HACD1: variants seen among roughly 807,000 people sequenced by gnomAD.
HACD1 encodes very-long-chain (3R)-3-hydroxyacyl-CoA dehydratase 1.
HACD1 carries 41 observed loss-of-function variants against 32.0 expected under a neutral mutation model. The ratio of observed to expected loss-of-function variants is 1.28; its 90% CI spans 1.00 to 1.66. The LOEUF (loss-of-function observed/expected upper bound fraction) is 1.66. HACD1 is among the 40% of genes most tolerant of loss of function. The pLI is 0.00. For synonymous variants in HACD1, 142 were observed against 139.0 expected, an observed-to-expected ratio of 1.02 and a Z score of -0.15; for missense variants, 396 against 380.1, an observed-to-expected ratio of 1.04 and a Z score of -0.35.
chr10:17,604,060 AGT>A lies in HACD1; in HGVS notation c.258-15_258-14del. On this transcript the variant is annotated splice_polypyrimidine_tract_variant and intron_variant, in intron 1 of 6. Transcript: ENST00000361271. ...TAGAACCAACCACCTAAAAAAAAAA[AGT>A]ATTTCATAAAGTTCTTTCGAACTTA... The A allele has an allele frequency of 6.8e-7, 1 of 1,466,920 alleles. No homozygotes were observed. Among genetic ancestry groups the A allele is most frequent in the Non-Finnish European group, 9.3e-7 (1 of 1,074,774 alleles). The allele number at this position is 1,466,920 out of a possible 1,614,324, so 90.9% of individuals were successfully genotyped here.
At chr10:17,594,702 C>G (rs1035514856) in intron 5 of HACD1, among the ~76,000 whole-genome samples, 1 of 152,036 alleles carries the variant, frequency 6.6e-6, no homozygotes, top group Non-Finnish European at 1.5e-5. Context: ...AGATGGAGTT[C>G]GCTCTTGTCA....
intron 4 of HACD1, among the ~76,000 whole-genome samples, chr10:17,599,894 T>A (rs1254797282): frequency 6.6e-6 from 1 of 152,200 alleles, no homozygotes; most frequent in Non-Finnish European, 1.5e-5. Flanking sequence ...GAATGCAAGT[T>A]GTCTTTTAAA....
chr10:17,604,187 G>C, intron 1 of HACD1, 140 bp from the exon 2 acceptor site: 1 of 635,142 alleles, frequency 1.6e-6, no homozygotes, highest in African/African-American at 1.8e-5. Context: ...ATGGATACTT[G>C]AAATGTGGTC....
chr10:17,594,291 A>G lies in HACD1; in HGVS notation c.698T>C (p.Met233Thr). 1.9e-6 allele frequency: 3 copies of G among 1,604,608 alleles called. No individual in the cohort carries two copies. Among genetic ancestry groups the G allele is most frequent in the Non-Finnish European group, 2.6e-6 (3 of 1,174,890 alleles). The change falls in exon 6 of 7, where the codon ATG becomes ACG. Residue 233 changes from methionine (M) to threonine (T), a missense_variant. Coordinates refer to ENST00000361271, the MANE Select transcript of HACD1 (RefSeq NM_014241.4). The stretch of plus-strand genomic sequence containing the variant: ...TTTGTTAGGAAGTCTTATTGAAAAC[A>G]TTCCTGTTTTCTTCACATGCGGCAA... ...AALPHVKKTG[M>T]FSIRLPNKYN...
At chr10:17,598,012 C>G (rs1263751809) in intron 5 of HACD1, among the ~76,000 whole-genome samples, 3 of 152,006 alleles carry the variant, frequency 2.0e-5, no homozygotes, top group East Asian at 3.8e-4. Context: ...GTAATCCTAG[C>G]ACTTAGGGAG....
rs1554815456 is a variant in HACD1 at position 17,590,324 on chromosome 10, T to G, written c.*40A>C. ...TATTAAAACTTGGACTCAGGTAATC[T>G]TGGTTATTCTGGAAAAAGCACCTTG... On this transcript the variant is annotated 3_prime_UTR_variant, in exon 7 of 7. Transcript: ENST00000361271. 1 of 1,408,724 alleles carries G rather than the reference T, an allele frequency of 7.1e-7. No homozygotes were observed. The highest frequency in any genetic ancestry group is 9.8e-7 in the Non-Finnish European group (1 of 1,023,072). 87.3% of individuals were successfully genotyped at this position (1,408,724 alleles called of 1,614,324 possible).
chr10:17,599,262 G>T, intron 5 of HACD1, 28 bp downstream of exon 5: 1 of 1,612,466 alleles, frequency 6.2e-7, no homozygotes. Context: ...ACAGGACAAG[G>T]AGAAACTAAA....
chr10:17,593,321 C>CTTT (rs11372990), intron 6 of HACD1, among the ~76,000 whole-genome samples: 10,537 of 148,692 alleles, frequency 0.071, 472 homozygotes, highest in Middle Eastern at 0.12. Flanking sequence ...GCCCCCACGC[C>CTTT]TTTTTTTTTT....
intron 1 of HACD1, among the ~76,000 whole-genome samples, chr10:17,609,844 C>A (rs1200381129): frequency 6.6e-6 from 1 of 151,874 alleles, no homozygotes; most frequent in Non-Finnish European, 1.5e-5. Context: ...ATTAGCCAGG[C>A]ATGGTGGTGC....
intron 6 of HACD1, among the ~76,000 whole-genome samples, chr10:17,590,797 G>C (rs45571331): frequency 6.6e-6 from 1 of 151,856 alleles, no homozygotes; most frequent in East Asian, 1.9e-4. Context: ...TCAGTCTCCC[G>C]AGTAGCTGAG....
chr10:17,604,521 A>G (rs1416901026), intron 1 of HACD1, among the ~76,000 whole-genome samples: 1 of 152,004 alleles, frequency 6.6e-6, no homozygotes, highest in Non-Finnish European at 1.5e-5. Flanking sequence ...CTATACAGAC[A>G]ATAGAATATT....
At position 17,594,340 on chromosome 10, in the gene HACD1, C is replaced by CCA; in HGVS notation, c.648_649insTG (p.Glu217TrpfsTer13). ...AAGGCAGCGTATATTGTAAGAAGTTCACCAGCAACTCCAACAGGATATAAG... is the reference window on the plus strand; with the variant it reads ...AAGGCAGCGTATATTGTAAGAAGTTCCAACCAGCAACTCCAACAGGATATAAG... On this transcript the variant is annotated frameshift_variant, in exon 6 of 7. Transcript: ENST00000361271. LOFTEE classifies it high-confidence loss of function. The CCA allele has an allele frequency of 6.4e-7, 1 of 1,572,906 alleles. No individual in the cohort carries two copies. The highest frequency in any genetic ancestry group is 8.6e-7 in the Non-Finnish European group (1 of 1,160,318).
chr10:17,614,971 C>G (rs1172179782), intron 1 of HACD1, among the ~76,000 whole-genome samples: 2 of 151,920 alleles, frequency 1.3e-5, no homozygotes, highest in African/African-American at 4.8e-5. Flanking sequence ...CCAAGATGTT[C>G]TCGATCTCCT....
intron 1 of HACD1, among the ~76,000 whole-genome samples, chr10:17,613,277 T>G (rs1462379218): frequency 6.6e-6 from 1 of 152,056 alleles, no homozygotes; most frequent in Admixed American, 6.6e-5. Flanking sequence ...CCCACTTGTT[T>G]TGAAAATTAT....
chr10:17,603,674 T>C (rs1554816749), intron 3 of HACD1, 26 bp from the exon 4 acceptor site: 1 of 1,607,400 alleles, frequency 6.2e-7, no homozygotes, highest in Middle Eastern at 1.7e-4. Flanking sequence ...AAGTGAACTA[T>C]TGCCCTAAAG....
At chr10:17,600,797 C>T (rs1431441826) in intron 4 of HACD1, among the ~76,000 whole-genome samples, 2 of 152,184 alleles carry the variant, frequency 1.3e-5, no homozygotes, top group Non-Finnish European at 2.9e-5. Context: ...AGGTATACTG[C>T]AACGCATACC....
At chr10:17,600,356 G>A (rs1834052086) in intron 4 of HACD1, among the ~76,000 whole-genome samples, 1 of 152,034 alleles carries the variant, frequency 6.6e-6, no homozygotes, top group African/African-American at 2.4e-5. Flanking sequence ...ATTTATTTAT[G>A]TGAGACGGAG....
At chr10:17,593,159 G>A (rs1554815715) in intron 6 of HACD1, among the ~76,000 whole-genome samples, 1 of 152,062 alleles carries the variant, frequency 6.6e-6, no homozygotes, top group Non-Finnish European at 1.5e-5. Flanking sequence ...AAAAGCGCAA[G>A]ACTCTGTCTC....
intron 1 of HACD1, among the ~76,000 whole-genome samples, chr10:17,615,032 G>C (rs1030226832): frequency 6.6e-6 from 1 of 152,198 alleles, no homozygotes; most frequent in African/African-American, 2.4e-5. Context: ...GATTACAGGC[G>C]TGAGCCACCG....
Sources: allele counts gnomAD v4.1 joint callset (sites outside exome capture counted in the v4.1 genomes callset), GRCh38; gene constraint gnomAD v4.1.1; transcripts MANE v1.5; gene names NCBI Gene and HGNC (gene_info 2026-07-23, HGNC 2026-07-21).